Variants in ATP6V0A1 observed in about 807,000 individuals in gnomAD.
ATP6V0A1 encodes ATPase H+ transporting V0 subunit a1.
In ATP6V0A1, 43 loss-of-function variants were observed where a neutral mutation model predicts 105.4. That is an observed-to-expected ratio of 0.41 (90% CI 0.32 to 0.53). The LOEUF is 0.53. ATP6V0A1 is among the 20% of genes least tolerant of loss of function. The probability of loss-of-function intolerance (pLI) is 0.30; values close to 1 mark genes in which losing one functional copy is unlikely to be tolerated. For synonymous variants in ATP6V0A1, 362 were observed against 372.8 expected (o/e 0.97, Z 0.33); for missense variants, 676 against 1,051.1 (o/e 0.64, Z 4.93).
chr17:42,474,464 T>G (rs898586964), intron 5 of ATP6V0A1, among the ~76,000 whole-genome samples: 2 of 152,176 alleles, frequency 1.3e-5, no homozygotes, highest in African/African-American at 4.8e-5. Flanking sequence ...CAAGAACCTC[T>G]CTGCCTTGCC....
At chr17:42,475,564 T>C (rs1420174109) in intron 5 of ATP6V0A1, among the ~76,000 whole-genome samples, 1 of 152,142 alleles carries the variant, frequency 6.6e-6, no homozygotes, top group African/African-American at 2.4e-5. Flanking sequence ...TATAGTGTAT[T>C]TTATGTGTGG....
intron 5 of ATP6V0A1, among the ~76,000 whole-genome samples, chr17:42,474,291 G>A (rs1263852178): frequency 1.3e-5 from 2 of 151,292 alleles, no homozygotes; most frequent in Non-Finnish European, 2.9e-5. Context: ...GTGAGCCACC[G>A]CACCCAGCCT....
chr17:42,461,806 T>C (rs2086439293), intron 2 of ATP6V0A1, among the ~76,000 whole-genome samples: 1 of 151,830 alleles, frequency 6.6e-6, no homozygotes, highest in African/African-American at 2.4e-5. Context: ...TTGTCATCCT[T>C]AATTTGCAGT....
chr17:42,465,744 A>T (rs889046275), intron 2 of ATP6V0A1, among the ~76,000 whole-genome samples: 9 of 151,296 alleles, frequency 5.9e-5, no homozygotes, highest in African/African-American at 2.2e-4. Flanking sequence ...TGGGTGGATC[A>T]CCTGAGGTCA....
At chr17:42,466,930 G>A (rs1276404479) in intron 3 of ATP6V0A1, among the ~76,000 whole-genome samples, 4 of 151,946 alleles carry the variant, frequency 2.6e-5, no homozygotes, top group East Asian at 3.9e-4. Flanking sequence ...GGTGGATCAC[G>A]AGGTCAGGAG....
At chr17:42,478,749 T>G in intron 7 of ATP6V0A1, 160 bp downstream of exon 7, 1 of 668,988 alleles carries the variant, frequency 1.5e-6, no homozygotes, top group Non-Finnish European at 2.2e-6. Context: ...CTTAGTTAAT[T>G]CCTGTCATAT....
At chr17:42,475,850 T>C (rs1016550389) in intron 5 of ATP6V0A1, among the ~76,000 whole-genome samples, 4 of 152,234 alleles carry the variant, frequency 2.6e-5, no homozygotes. Flanking sequence ...TTTTGTTGTT[T>C]TTTATTCTCA....
intron 18 of ATP6V0A1, 89 bp downstream of exon 18, chr17:42,507,716 C>T (rs774414032): frequency 9.1e-7 from 1 of 1,100,604 alleles, no homozygotes; most frequent in South Asian, 1.2e-5. Context: ...CAGTCTTCTC[C>T]TTGAAAAATA....
intron 12 of ATP6V0A1, 81 bp downstream of exon 12, chr17:42,494,554 T>C: frequency 6.8e-7 from 1 of 1,467,188 alleles, no homozygotes. Flanking sequence ...GATCTGGAAG[T>C]CTTTTATCCA....
At chr17:42,495,569 C>G in intron 13 of ATP6V0A1, 57 bp from the exon 14 acceptor site, 1 of 1,382,170 alleles carries the variant, frequency 7.2e-7, no homozygotes, top group Non-Finnish European at 1.0e-6. Flanking sequence ...GTTTCTGGAC[C>G]CTTGTTGTTT....
At chr17:42,460,126 A>G (rs2086235481) in intron 1 of ATP6V0A1, 2 of 152,240 alleles carry the variant, frequency 1.3e-5, no homozygotes, top group Admixed American at 1.3e-4. Flanking sequence ...TAGGGTTGAG[A>G]AACAGAAAGC....
intron 19 of ATP6V0A1, chr17:42,511,422 C>T (rs1050637898): frequency 6.6e-6 from 1 of 151,944 alleles, no homozygotes; most frequent in Non-Finnish European, 1.5e-5. Flanking sequence ...GTAATCCCAG[C>T]TACTCGGGAG....
At chr17:42,494,834 A>C (rs1233600318) in intron 12 of ATP6V0A1, 200 bp from the exon 13 acceptor site, 1 of 558,016 alleles carries the variant, frequency 1.8e-6, no homozygotes, top group Admixed American at 3.5e-5. Context: ...CTTTTGTGCC[A>C]ACCTAATAAA....
chr17:42,495,165 G>T lies in ATP6V0A1; in HGVS notation c.1446G>T (p.Arg482=). 1 of 1,613,948 alleles carries T rather than the reference G, an allele frequency of 6.2e-7. No homozygotes were observed. The highest frequency in any genetic ancestry group is 8.5e-7 in the Non-Finnish European group (1 of 1,179,948). The change falls in exon 13 of 22, where the codon CGG becomes CGT. Residue 482 remains arginine (R), a synonymous_variant. Coordinates refer to ENST00000343619, the MANE Select transcript of ATP6V0A1 (RefSeq NM_001130021.3). ...LNIFGSSWSV[R]PMFTYNWTEE... ...TCTTTGGGTCATCCTGGAGTGTACG[G>T]CCGATGTTTACTTATAATTGGACGT...
rs2092828748 is a variant in ATP6V0A1 at position 42,521,358 on chromosome 17, TA to T, written c.*239del. On this transcript the variant is annotated 3_prime_UTR_variant, in exon 22 of 22. Coordinates refer to ENST00000343619, the MANE Select transcript of ATP6V0A1 (RefSeq NM_001130021.3). The surrounding 1 kb of genome is among the most constrained non-coding windows in gnomAD (Gnocchi z 4.8). The stretch of plus-strand genomic sequence containing the variant: ...TCACTGGGCACCAGCCTTGCCCTCT[TA>T]GCCTCCATCCATCCAGACAGCCCTT... The T allele has an allele frequency of 3.0e-6, 1 of 333,988 alleles. No individual in the cohort carries two copies. The highest frequency in any genetic ancestry group is 4.9e-5 in the Admixed American group (1 of 20,382). The allele number at this position is 333,988 out of a possible 1,614,324, so 20.7% of individuals were successfully genotyped here.
intron 21 of ATP6V0A1, chr17:42,519,363 T>TC (rs2092747579): frequency 1.3e-5 from 2 of 152,020 alleles, no homozygotes; most frequent in Admixed American, 1.3e-4. Flanking sequence ...CTCACTGGAG[T>TC]CGGGGGTCAG....
At chr17:42,512,447 G>A (rs868715439) in intron 19 of ATP6V0A1, among the ~76,000 whole-genome samples, 21 of 152,276 alleles carry the variant, frequency 1.4e-4, no homozygotes, top group African/African-American at 4.3e-4. Context: ...GCCCTGGGGC[G>A]GCAGCCAGCA....
chr17:42,463,082 T>C (rs1273476624), intron 2 of ATP6V0A1, among the ~76,000 whole-genome samples: 1 of 134,832 alleles, frequency 7.4e-6, no homozygotes, highest in Non-Finnish European at 1.5e-5. Flanking sequence ...CTTGGCTCAC[T>C]GCAACCTCCG....
chr17:42,517,301 AC>A lies in ATP6V0A1; in HGVS notation c.2420+2842del, dbSNP rs557321518. 9.1e-3 allele frequency among the ~76,000 whole-genome samples: 1,382 copies of A among 151,764 alleles called. 32 individuals carry two copies. The highest frequency in any genetic ancestry group is 0.032 in the African/African-American group (1,308 of 41,322). Reference sequence around the variant, plus strand: ...TCTCAAAACAACAACAACAACAACAACAACAAAAAAACCTGGGATGCCCTAG... The same window carrying A: ...TCTCAAAACAACAACAACAACAACAAAACAAAAAAACCTGGGATGCCCTAG... On this transcript the variant is annotated intron_variant, in intron 21 of 21. Transcript: ENST00000343619.
Sources: allele counts gnomAD v4.1 joint callset (sites outside exome capture counted in the v4.1 genomes callset), GRCh38; gene constraint gnomAD v4.1.1; non-coding constraint Gnocchi (gnomAD v3.1); transcripts MANE v1.5; gene names NCBI Gene and HGNC (gene_info 2026-07-23, HGNC 2026-07-21).